The following EIF2AK3 variants were observed in gnomAD, a reference collection of about 807,000 sequenced individuals.
EIF2AK3 encodes the protein eukaryotic translation initiation factor 2 alpha kinase 3.
Under a neutral mutation model 113.5 loss-of-function variants are expected in EIF2AK3, and 50 were observed. The ratio of observed to expected loss-of-function variants is 0.44; its 90% CI spans 0.35 to 0.56. The LOEUF is 0.56. Ranked by LOEUF, EIF2AK3 falls within the 20% of genes least tolerant of loss-of-function variation. The pLI is 0.00. For missense variants in EIF2AK3, 1,185 were observed against 1,378.0 expected (o/e 0.86, Z 2.22); for synonymous variants, 448 against 495.4 (o/e 0.90, Z 1.27).
chr2:88,595,438 TC>T, intron 3 of EIF2AK3, 30 bp downstream of exon 3: 1 of 1,600,848 alleles, frequency 6.2e-7, no homozygotes, highest in East Asian at 2.2e-5. Context: ...TACTCTGATT[TC>T]CCCAAAGTAA....
At chr2:88,594,830 T>TAAAAAAAAAAAAAAAAA (rs58582485) in intron 3 of EIF2AK3, among the ~76,000 whole-genome samples, 2 of 115,078 alleles carry the variant, frequency 1.7e-5, no homozygotes, top group Non-Finnish European at 1.7e-5. Context: ...TGTCAAAATG[T>TAAAAAAAAAAAAAAAAA]AAAAAAAAAA....
At chr2:88,565,785 A>G (rs1674100373) in intron 14 of EIF2AK3, among the ~76,000 whole-genome samples, 1 of 152,240 alleles carries the variant, frequency 6.6e-6, no homozygotes, top group East Asian at 1.9e-4. Context: ...CTTTTTTCCT[A>G]TAGATAGAAA....
At chr2:88,566,337 T>C (rs1674124684) in intron 14 of EIF2AK3, among the ~76,000 whole-genome samples, 1 of 152,206 alleles carries the variant, frequency 6.6e-6, no homozygotes, top group Non-Finnish European at 1.5e-5. Context: ...TCTTTTAAGA[T>C]GGGGTCTATT....
rs1558640754 is a variant in EIF2AK3 at position 88,557,828 on chromosome 2, CTG to C, written c.3257_3258del (p.Thr1086SerfsTer25). On this transcript the variant is annotated frameshift_variant, in exon 17 of 17. Transcript: ENST00000303236. LOFTEE classifies it high-confidence loss of function. The part of the protein sequence containing the change: ...VFEDLDFPGK[T>X]VLRQRSRSLS... Reference sequence around the variant, plus strand: ...AAGGAGCGAGACCTCTGTCTGAGCACTGTTTTTCCTGGAAAGTCCAAGTCCTC... The same window carrying C: ...AAGGAGCGAGACCTCTGTCTGAGCACTTTTTCCTGGAAAGTCCAAGTCCTC... 6.2e-7 allele frequency: 1 copy of C among 1,614,146 alleles called. No individual in the cohort carries two copies. The highest frequency in any genetic ancestry group is 8.5e-7 in the Non-Finnish European group (1 of 1,180,004).
chr2:88,612,829 T>G (rs986682937), intron 2 of EIF2AK3, among the ~76,000 whole-genome samples: 2 of 152,114 alleles, frequency 1.3e-5, no homozygotes, highest in Non-Finnish European at 2.9e-5. Flanking sequence ...AAAAGACTGA[T>G]GACAAAAGAG....
intron 8 of EIF2AK3, among the ~76,000 whole-genome samples, 178 bp from the exon 9 acceptor site, chr2:88,586,239 T>A (rs1221108963): frequency 6.6e-6 from 1 of 152,148 alleles, no homozygotes; most frequent in Non-Finnish European, 1.5e-5. Flanking sequence ...CCCGTAAATA[T>A]AGACATTTTC....
chr2:88,591,816 A>C (rs1466943494), intron 4 of EIF2AK3, among the ~76,000 whole-genome samples: 1 of 152,162 alleles, frequency 6.6e-6, no homozygotes, highest in Non-Finnish European at 1.5e-5. Context: ...GATCCTTCCT[A>C]TTCTGGTAAC....
At chr2:88,577,626 G>A (rs1336500582) in intron 11 of EIF2AK3, among the ~76,000 whole-genome samples, 3 of 152,036 alleles carry the variant, frequency 2.0e-5, no homozygotes, top group Admixed American at 6.5e-5. Flanking sequence ...TGATCCACCC[G>A]CCTAGGACTC....
At chr2:88,607,602 C>T (rs1173324537) in intron 2 of EIF2AK3, among the ~76,000 whole-genome samples, 1 of 152,170 alleles carries the variant, frequency 6.6e-6, no homozygotes, top group Admixed American at 6.5e-5. Flanking sequence ...CTTAGTGGAA[C>T]TGTCAATTTC....
intron 12 of EIF2AK3, 99 bp downstream of exon 12, chr2:88,576,455 C>G: frequency 2.6e-6 from 4 of 1,541,750 alleles, no homozygotes; most frequent in Non-Finnish European, 3.5e-6. Flanking sequence ...TCTGCTGTTC[C>G]TTTTCTTTAA....
intron 13 of EIF2AK3, among the ~76,000 whole-genome samples, chr2:88,571,958 T>C (rs1674321697): frequency 6.6e-6 from 1 of 152,290 alleles, no homozygotes. Context: ...CCTCAGAGTC[T>C]ACTCTACTCT....
intron 1 of EIF2AK3, among the ~76,000 whole-genome samples, chr2:88,622,148 T>C (rs1041704858): frequency 1.3e-5 from 2 of 152,126 alleles, no homozygotes; most frequent in African/African-American, 4.8e-5. Context: ...CCGCCTGCCT[T>C]GGCCTCCCAA....
intron 14 of EIF2AK3, among the ~76,000 whole-genome samples, chr2:88,563,609 A>T (rs974188004): frequency 2.6e-5 from 4 of 152,212 alleles, no homozygotes; most frequent in Non-Finnish European, 5.9e-5. Context: ...ACCCTAGGGC[A>T]GATGGAAATG....
At chr2:88,595,791 C>A (rs1206488846) in intron 2 of EIF2AK3, 128 bp from the exon 3 acceptor site, 4 of 940,120 alleles carry the variant, frequency 4.3e-6, no homozygotes, top group Non-Finnish European at 6.7e-6. Flanking sequence ...GAGTCTTGAT[C>A]CTGATGTACT....
At chr2:88,584,527 G>GAAAAAAA (rs66817563) in intron 9 of EIF2AK3, among the ~76,000 whole-genome samples, 11 of 73,330 alleles carry the variant, frequency 1.5e-4, no homozygotes, top group South Asian at 5.1e-4. Flanking sequence ...CCCTGTCTCT[G>GAAAAAAA]AAAAAAAAAA....
intron 2 of EIF2AK3, among the ~76,000 whole-genome samples, chr2:88,605,178 C>T (rs902040548): frequency 6.6e-6 from 1 of 152,072 alleles, no homozygotes; most frequent in Non-Finnish European, 1.5e-5. Flanking sequence ...TGTATATATA[C>T]ATGTATACTT....
At chr2:88,566,520 CTTTT>C (rs75677500) in intron 14 of EIF2AK3, among the ~76,000 whole-genome samples, 2 of 146,936 alleles carry the variant, frequency 1.4e-5, no homozygotes, top group Non-Finnish European at 3.0e-5. Flanking sequence ...TTTAAAAACT[CTTTT>C]TTTTTTTAAG....
At chr2:88,576,468 A>C (rs1674460265) in intron 12 of EIF2AK3, 86 bp downstream of exon 12, 5 of 1,572,918 alleles carry the variant, frequency 3.2e-6, no homozygotes, top group East Asian at 2.2e-5. Context: ...TTCTTTAAAA[A>C]AAAAAATCCC....
At chr2:88,596,148 T>C (rs1675014450) in intron 2 of EIF2AK3, among the ~76,000 whole-genome samples, 1 of 152,212 alleles carries the variant, frequency 6.6e-6, no homozygotes, top group African/African-American at 2.4e-5. Flanking sequence ...CCAATTACTG[T>C]CATAGACTCA....
Sources: allele counts gnomAD v4.1 joint callset (sites outside exome capture counted in the v4.1 genomes callset), GRCh38; gene constraint gnomAD v4.1.1; transcripts MANE v1.5; gene names NCBI Gene and HGNC (gene_info 2026-07-23, HGNC 2026-07-21).